Variants in DNAH7 observed in about 807,000 individuals in gnomAD.
The protein encoded by DNAH7 is dynein axonemal heavy chain 7, also known as axonemal beta dynein heavy chain 7.
Under a neutral mutation model 444.6 loss-of-function variants are expected in DNAH7, and 397 were observed. The ratio of observed to expected loss-of-function variants is 0.89; its 90% CI spans 0.82 to 0.97. The LOEUF (loss-of-function observed/expected upper bound fraction) is 0.97, where lower values mean the gene tolerates loss of function less well. Ranked by LOEUF, DNAH7 falls within the 50% of genes least tolerant of loss-of-function variation. The pLI is 0.00. For synonymous variants in DNAH7, 1,636 were observed against 1,624.4 expected (o/e 1.01, Z -0.17); for missense variants, 4,902 against 4,800.8 (o/e 1.02, Z -0.62).
intron 21 of DNAH7, among the ~76,000 whole-genome samples, chr2:195,933,880 C>T (rs1559240741): frequency 1.3e-5 from 2 of 151,390 alleles, no homozygotes; most frequent in Admixed American, 1.3e-4. Context: ...GCACATGTAC[C>T]CTAAAACTTA....
chr2:195,821,626 T>G (rs1697477557), intron 49 of DNAH7, among the ~76,000 whole-genome samples: 1 of 152,148 alleles, frequency 6.6e-6, no homozygotes, highest in African/African-American at 2.4e-5. Context: ...TTGAAGGTTG[T>G]TTGACCGAAG....
chr2:196,019,109 G>T, intron 9 of DNAH7, 61 bp downstream of exon 9: 3 of 1,346,314 alleles, frequency 2.2e-6, no homozygotes, highest in Non-Finnish European at 2.9e-6. Context: ...AAATAATTAA[G>T]ATATAGTAAA....
At chr2:195,780,168 T>C (rs1300745046) in intron 58 of DNAH7, among the ~76,000 whole-genome samples, 1 of 152,138 alleles carries the variant, frequency 6.6e-6, no homozygotes, top group Non-Finnish European at 1.5e-5. Context: ...CAGAGTATTA[T>C]CATTTAGGAA....
chr2:196,018,347 G>A (rs989011678), intron 9 of DNAH7, among the ~76,000 whole-genome samples: 1 of 151,724 alleles, frequency 6.6e-6, no homozygotes, highest in African/African-American at 2.4e-5. Context: ...AAACATTTCT[G>A]GAAAAAAAAT....
At chr2:196,012,952 G>A (rs1315542774) in intron 9 of DNAH7, 46 bp from the exon 10 acceptor site, 6 of 1,331,536 alleles carry the variant, frequency 4.5e-6, no homozygotes, top group Non-Finnish European at 6.0e-6. Context: ...GACTTTTTTG[G>A]TATTTAATAT....
chr2:195,806,669 C>T (rs533951459), intron 54 of DNAH7, 71 bp downstream of exon 54: 30 of 1,305,056 alleles, frequency 2.3e-5, no homozygotes, highest in Admixed American at 7.6e-5. Context: ...CATAAGGAAA[C>T]GCACATTTGG....
At chr2:196,049,802 G>A (rs1445643274) in intron 3 of DNAH7, among the ~76,000 whole-genome samples, 1 of 152,126 alleles carries the variant, frequency 6.6e-6, no homozygotes, top group East Asian at 1.9e-4. Context: ...CTCAGCCATA[G>A]ATATTCGATA....
At chr2:195,907,392 A>G (rs868819719) in intron 25 of DNAH7, among the ~76,000 whole-genome samples, 1 of 152,080 alleles carries the variant, frequency 6.6e-6, no homozygotes, top group Non-Finnish European at 1.5e-5. Context: ...TGCCAGTGAG[A>G]CTGCCTTGTG....
intron 60 of DNAH7, among the ~76,000 whole-genome samples, chr2:195,774,293 G>A (rs1000392945): frequency 2.6e-5 from 4 of 152,198 alleles, no homozygotes; most frequent in Non-Finnish European, 4.4e-5. Context: ...ATTCATGTTT[G>A]CACATATACT....
In DNAH7 at chr2:196,002,416, G is replaced by C. The variant is rs74406075; in HGVS notation, c.990-558C>G. ...TCTGATCTAAAACAAAGTTTCGAAT[G>C]TGTATGTGTCCTTGTAATAAAAGGA... On this transcript the variant is annotated intron_variant, in intron 10 of 64. Coordinates refer to ENST00000312428, the MANE Select transcript of DNAH7 (RefSeq NM_018897.3). Among the ~76,000 whole-genome samples the C allele has an allele frequency of 8.8e-4, 134 of 152,142 alleles. No individual in the cohort carries two copies. The East Asian group carries it at 0.022, about 25-fold the overall frequency.
intron 33 of DNAH7, among the ~76,000 whole-genome samples, chr2:195,887,878 C>T (rs1010093105): frequency 1.4e-5 from 2 of 141,686 alleles, no homozygotes; most frequent in Non-Finnish European, 3.0e-5. Context: ...AATGAATTTG[C>T]CTACTTTGGG....
At chr2:195,830,537 A>G (rs1228910441) in intron 48 of DNAH7, among the ~76,000 whole-genome samples, 4 of 152,222 alleles carry the variant, frequency 2.6e-5, no homozygotes. Context: ...GGTGCCCTTA[A>G]GCAGCTTGTA....
rs117044761 is a variant in DNAH7, at chr2:195,848,185, G to A, written c.8782-3020C>T. On this transcript the variant is annotated intron_variant, in intron 46 of 64. Transcript: ENST00000312428. Reference sequence around the variant, plus strand: ...ATCTCCCTCAGGCTCCTGCTGAGTAGGCTGGACCAACATTCCTTGAGGTTT... The same window carrying A: ...ATCTCCCTCAGGCTCCTGCTGAGTAAGCTGGACCAACATTCCTTGAGGTTT... Among the ~76,000 whole-genome samples the A allele has an allele frequency of 4.4e-4, 67 of 152,288 alleles. 1 individual carries two copies. The East Asian group carries it at 0.011, about 25-fold the overall frequency.
At position 196,039,153 on chromosome 2, in the gene DNAH7, T is replaced by TA. The variant is rs889284042; in HGVS notation, c.398+8198dup. On this transcript the variant is annotated intron_variant, in intron 5 of 64. Coordinates refer to ENST00000312428, the MANE Select transcript of DNAH7 (RefSeq NM_018897.3). Reference sequence around the variant, plus strand: ...GCCACAAAACAAGTCTCAGCAAATGTAAAAAAAATCAAATCACACACAATG... The same window carrying TA: ...GCCACAAAACAAGTCTCAGCAAATGTAAAAAAAAATCAAATCACACACAATG... Among the ~76,000 whole-genome samples, 16 of 151,948 alleles carry TA rather than the reference T, an allele frequency of 1.1e-4. No homozygotes were observed. The East Asian group carries it at 1.5e-3, about 15-fold the overall frequency.
At chr2:195,798,272 G>A (rs981011948) in intron 55 of DNAH7, among the ~76,000 whole-genome samples, 2 of 152,230 alleles carry the variant, frequency 1.3e-5, no homozygotes, top group East Asian at 3.9e-4. Flanking sequence ...ACCTTATGGA[G>A]TTGTAGAACA....
chr2:195,941,287 T>C (rs1689419563), intron 19 of DNAH7, among the ~76,000 whole-genome samples: 2 of 151,748 alleles, frequency 1.3e-5, no homozygotes, highest in East Asian at 1.9e-4. Context: ...AACCAAACAC[T>C]GCATGTTCTC....
chr2:195,748,283 G>A (rs373714706), intron 63 of DNAH7, among the ~76,000 whole-genome samples: 21 of 152,314 alleles, frequency 1.4e-4, no homozygotes, highest in East Asian at 7.7e-4. Flanking sequence ...TACAAGGGAC[G>A]TGAAGGACCT....
intron 14 of DNAH7, 72 bp downstream of exon 14, chr2:195,986,994 C>G: frequency 2.3e-6 from 3 of 1,332,094 alleles, no homozygotes; most frequent in Admixed American, 2.6e-5. Context: ...ATCAATTACT[C>G]TAGTTGAGTG....
At chr2:196,057,666 T>C (rs1310020315) in intron 2 of DNAH7, among the ~76,000 whole-genome samples, 1 of 152,220 alleles carries the variant, frequency 6.6e-6, no homozygotes, top group Non-Finnish European at 1.5e-5. Context: ...CAAATTCCAT[T>C]ACACAGTTCA....
Sources: allele counts gnomAD v4.1 joint callset (sites outside exome capture counted in the v4.1 genomes callset), GRCh38; gene constraint gnomAD v4.1.1; transcripts MANE v1.5; gene names NCBI Gene and HGNC (gene_info 2026-07-23, HGNC 2026-07-21).